Variants in FNDC3A observed in about 807,000 individuals in gnomAD.
The protein encoded by FNDC3A is fibronectin type-III domain-containing protein 3A.
Under a neutral mutation model 148.9 loss-of-function variants are expected in FNDC3A, and 32 were observed. That is an observed-to-expected ratio of 0.21 (90% CI 0.16 to 0.29). The LOEUF is 0.29. FNDC3A is among the 10% of genes least tolerant of loss of function. The pLI is 1.00. For synonymous variants in FNDC3A, 472 were observed against 473.6 expected (o/e 1.00, Z 0.04); for missense variants, 1,191 against 1,452.8 (o/e 0.82, Z 2.93).
intron 8 of FNDC3A, among the ~76,000 whole-genome samples, chr13:49,165,760 T>C (rs912056244): frequency 7.2e-5 from 11 of 152,162 alleles, no homozygotes; most frequent in Admixed American, 2.6e-4. Flanking sequence ...TCATTAGCAA[T>C]GGCAGGACTA....
At chr13:49,103,609 A>G (rs1486239251) in intron 3 of FNDC3A, among the ~76,000 whole-genome samples, 1 of 152,252 alleles carries the variant, frequency 6.6e-6, no homozygotes, top group East Asian at 1.9e-4. Flanking sequence ...ATACTGGAAT[A>G]GTTCTAGAAA....
At chr13:49,071,510 C>T (rs1489507146) in intron 2 of FNDC3A, among the ~76,000 whole-genome samples, 1 of 152,158 alleles carries the variant, frequency 6.6e-6, no homozygotes, top group Non-Finnish European at 1.5e-5. Flanking sequence ...TAAGAGCATT[C>T]TCCTTTCTCT....
chr13:49,161,651 A>G (rs921157578), intron 8 of FNDC3A, among the ~76,000 whole-genome samples: 6 of 152,066 alleles, frequency 3.9e-5, no homozygotes, highest in African/African-American at 1.4e-4. Flanking sequence ...TGTCATTATG[A>G]TGTTAGCCGG....
intron 5 of FNDC3A, 117 bp from the exon 6 acceptor site, chr13:49,136,215 C>A: frequency 2.2e-6 from 2 of 891,128 alleles, no homozygotes; most frequent in African/African-American, 1.7e-5. Context: ...ATGCAAAATT[C>A]TTTTAAATAT....
At chr13:49,075,821 A>AC (rs1387871665) in intron 3 of FNDC3A, among the ~76,000 whole-genome samples, 3 of 54,656 alleles carry the variant, frequency 5.5e-5, no homozygotes, top group Non-Finnish European at 8.2e-5. Flanking sequence ...CCCCACCCCC[A>AC]CCCCCCCTTT....
chr13:48,992,938 C>T (rs1951948896), intron 1 of FNDC3A, among the ~76,000 whole-genome samples: 1 of 152,088 alleles, frequency 6.6e-6, no homozygotes, highest in Non-Finnish European at 1.5e-5. Flanking sequence ...TGCCATTTCC[C>T]AGGAGTATTT....
At chr13:49,117,615 T>A (rs1260053827) in intron 4 of FNDC3A, among the ~76,000 whole-genome samples, 6 of 151,958 alleles carry the variant, frequency 3.9e-5, no homozygotes, top group Non-Finnish European at 8.8e-5. Context: ...AAAAAAAAAA[T>A]TGCATCTATA....
intron 2 of FNDC3A, among the ~76,000 whole-genome samples, chr13:49,027,175 G>T (rs1281124295): frequency 6.6e-6 from 1 of 152,196 alleles, no homozygotes; most frequent in Non-Finnish European, 1.5e-5. Flanking sequence ...TTTGAGACTA[G>T]ACTCAATATC....
intron 3 of FNDC3A, among the ~76,000 whole-genome samples, chr13:49,083,388 A>G (rs1351087028): frequency 6.6e-6 from 1 of 152,256 alleles, no homozygotes; most frequent in Non-Finnish European, 1.5e-5. Context: ...TGAGTCATCT[A>G]TTGAATCCCA....
At chr13:49,065,195 A>G (rs74496006) in intron 2 of FNDC3A, among the ~76,000 whole-genome samples, 1 of 152,228 alleles carries the variant, frequency 6.6e-6, no homozygotes, top group East Asian at 1.9e-4. Context: ...GAAACCTGCA[A>G]TGGGCTGGTC....
intron 8 of FNDC3A, 109 bp downstream of exon 8, chr13:49,146,044 ATCTTTAAGTT>A (rs1459944461): frequency 2.7e-6 from 2 of 747,664 alleles, no homozygotes; most frequent in African/African-American, 1.8e-5. Flanking sequence ...TTTATTCTGA[ATCTTTAAGTT>A]GGCTAATGAT....
At chr13:48,996,591 A>G (rs1952028533) in intron 1 of FNDC3A, among the ~76,000 whole-genome samples, 1 of 152,224 alleles carries the variant, frequency 6.6e-6, no homozygotes, top group African/African-American at 2.4e-5. Context: ...AAATACTACA[A>G]CATTTATATA....
chr13:49,074,253 G>A (rs890365518), intron 2 of FNDC3A, among the ~76,000 whole-genome samples: 7 of 151,902 alleles, frequency 4.6e-5, no homozygotes, highest in Non-Finnish European at 7.4e-5. Context: ...TCACCTCCCC[G>A]CATCCCGAAA....
intron 8 of FNDC3A, 98 bp from the exon 9 acceptor site, chr13:49,167,146 G>A: frequency 1.6e-6 from 1 of 644,260 alleles, no homozygotes; most frequent in South Asian, 2.8e-5. Flanking sequence ...AAAGAAAGAA[G>A]TAGTTTCATA....
At chr13:49,018,350 C>T (rs1341395678) in intron 2 of FNDC3A, among the ~76,000 whole-genome samples, 3 of 152,054 alleles carry the variant, frequency 2.0e-5, no homozygotes, top group Non-Finnish European at 4.4e-5. Flanking sequence ...ATTTCATTCA[C>T]TTCATCTTCC....
chr13:49,035,143 TAGAA>T (rs1190003494), intron 2 of FNDC3A, among the ~76,000 whole-genome samples: 1 of 152,036 alleles, frequency 6.6e-6, no homozygotes, highest in Non-Finnish European at 1.5e-5. Context: ...GAACTGGCTT[TAGAA>T]AGAAAGATTT....
chr13:49,159,467 T>G (rs562278713), intron 8 of FNDC3A, among the ~76,000 whole-genome samples: 1 of 152,262 alleles, frequency 6.6e-6, no homozygotes, highest in African/African-American at 2.4e-5. Flanking sequence ...CACATTGATG[T>G]TGTATCCTGA....
chr13:49,153,138 A>G lies in FNDC3A; in HGVS notation c.977+7203A>G, dbSNP rs1208571795. Among the ~76,000 whole-genome samples, 7 of 152,104 alleles carry G rather than the reference A, an allele frequency of 4.6e-5. No individual in the cohort carries two copies. In the East Asian group the frequency reaches 5.8e-4, roughly 13 times the overall value. On this transcript the variant is annotated intron_variant, in intron 8 of 25. Transcript: ENST00000492622. ...GAACTAGTTTACAGTCCCAACAACA[A>G]TGTAAAAGTGTTCCTATTTCTCCAC...
intron 2 of FNDC3A, among the ~76,000 whole-genome samples, chr13:49,074,925 C>T (rs114145814): frequency 3.5e-4 from 54 of 152,304 alleles, no homozygotes; most frequent in African/African-American, 1.3e-3. Context: ...TCAACTCATG[C>T]TCTACCTATC....
Sources: gnomAD v4.1 joint callset for allele counts (sites outside exome capture counted in the v4.1 genomes callset) on GRCh38, gnomAD v4.1.1 for gene constraint, MANE v1.5 for transcripts, NCBI Gene and HGNC (gene_info 2026-07-23, HGNC 2026-07-21) for gene names.